Variants in ERCC6 observed in about 807,000 individuals in gnomAD.
ERCC6 encodes the protein DNA excision repair protein ERCC-6.
Under a neutral mutation model 158.7 loss-of-function variants are expected in ERCC6, and 116 were observed. That is an observed-to-expected ratio of 0.73 (90% CI 0.63 to 0.85). ERCC6 has a LOEUF of 0.85. Ranked by LOEUF, ERCC6 falls within the 40% of genes least tolerant of loss-of-function variation. ERCC6 has a pLI of 0.00. For synonymous variants in ERCC6, 678 were observed against 659.3 expected (o/e 1.03, Z -0.43); for missense variants, 1,698 against 1,799.4 (o/e 0.94, Z 1.02).
chr10:49,475,012 G>A (rs1304283678), intron 12 of ERCC6, among the ~76,000 whole-genome samples: 1 of 152,148 alleles, frequency 6.6e-6, no homozygotes, highest in African/African-American at 2.4e-5. Flanking sequence ...GTAAACAACA[G>A]TAAACAGATT....
At chr10:49,514,686 T>G (rs921490050) in intron 5 of ERCC6, among the ~76,000 whole-genome samples, 3 of 152,168 alleles carry the variant, frequency 2.0e-5, no homozygotes, top group African/African-American at 7.2e-5. Flanking sequence ...CCTATTGCAA[T>G]ATCCATTTAA....
At chr10:49,493,412 T>C (rs960756635) in intron 7 of ERCC6, among the ~76,000 whole-genome samples, 160 bp from the exon 8 acceptor site, 8 of 152,228 alleles carry the variant, frequency 5.3e-5, no homozygotes, top group African/African-American at 1.9e-4. Flanking sequence ...AAGTTACTGA[T>C]GTTAAAACCC....
chr10:49,489,406 A>T (rs1851133079), intron 8 of ERCC6, among the ~76,000 whole-genome samples: 2 of 152,210 alleles, frequency 1.3e-5, no homozygotes, highest in Admixed American at 6.5e-5. Context: ...AAGTCCTAAC[A>T]AGTTTACCAA....
intron 13 of ERCC6, 32 bp downstream of exon 13, chr10:49,473,995 G>A (rs1206351048): frequency 6.3e-7 from 1 of 1,591,784 alleles, no homozygotes; most frequent in East Asian, 2.2e-5. Context: ...TAAAGAACCA[G>A]CCTGTTTCCC....
rs897149242 is a variant in ERCC6 at position 49,505,652 on chromosome 10, T to C, written c.1526+232A>G. ...CTTTTAGTCTGCTGAGGCAGGTCCA[T>C]ATAGATTCATCAGTTTACAAACATA... is the stretch of plus-strand genomic sequence containing the variant. On this transcript the variant is annotated intron_variant, in intron 6 of 20. Transcript: ENST00000355832. 5 of 551,270 alleles carry C rather than the reference T, an allele frequency of 9.1e-6. No homozygotes were observed. In the Admixed American group the frequency reaches 9.9e-5, roughly 11 times the overall value. 34.1% of individuals were successfully genotyped at this position (551,270 alleles called of 1,614,324 possible).
chr10:49,516,644 G>A, intron 5 of ERCC6: 2 of 1,614,192 alleles, frequency 1.2e-6, no homozygotes, highest in African/African-American at 1.3e-5. Flanking sequence ...ACTTGACAAT[G>A]AGTTCAATGA....
chr10:49,490,442 C>T (rs1312397217), intron 8 of ERCC6, among the ~76,000 whole-genome samples: 1 of 151,678 alleles, frequency 6.6e-6, no homozygotes, highest in Non-Finnish European at 1.5e-5. Flanking sequence ...GCAACCTCCG[C>T]CTCTAGGGTT....
At chr10:49,511,690 G>A (rs1276914795) in intron 5 of ERCC6, among the ~76,000 whole-genome samples, 1 of 152,156 alleles carries the variant, frequency 6.6e-6, no homozygotes, top group African/African-American at 2.4e-5. Flanking sequence ...CTTCCAAAGT[G>A]CTAGGATTGC....
In ERCC6 at chr10:49,472,264, A is replaced by G. The variant is rs769535842; in HGVS notation, c.2924+112T>C. On this transcript the variant is annotated intron_variant, in intron 16 of 20. Transcript: ENST00000355832. ...AAAACAAAAACCAAAGCCTTAAGTT[A>G]TAGCAACTATTATTCTAAGATGTTA... is the stretch of plus-strand genomic sequence containing the variant. 22 of 954,976 alleles carry G rather than the reference A, an allele frequency of 2.3e-5. No individual in the cohort carries two copies. The Middle Eastern group carries it at 6.2e-4, about 27-fold the overall frequency. 59.2% of individuals were successfully genotyped at this position (954,976 alleles called of 1,614,324 possible).
chr10:49,506,572 G>A (rs1851447348), intron 5 of ERCC6: 1 of 152,912 alleles, frequency 6.5e-6, no homozygotes, highest in African/African-American at 2.4e-5. Context: ...TACAAGCACT[G>A]ATAGTGCTAC....
chr10:49,516,097 TAA>T, intron 5 of ERCC6: 1 of 1,614,152 alleles, frequency 6.2e-7, no homozygotes. Context: ...TGTGCCTCTG[TAA>T]GTGCCTCACT....
At chr10:49,492,940 A>G (rs895517759) in intron 8 of ERCC6, among the ~76,000 whole-genome samples, 177 bp downstream of exon 8, 14 of 152,350 alleles carry the variant, frequency 9.2e-5, no homozygotes, top group Non-Finnish European at 1.9e-4. Context: ...ACCTATATTC[A>G]TAACTGTTCT....
intron 2 of ERCC6, 31 bp downstream of exon 2, chr10:49,532,512 C>A (rs745864793): frequency 1.9e-6 from 3 of 1,611,376 alleles, no homozygotes; most frequent in Non-Finnish European, 2.5e-6. Context: ...TTTACCACCA[C>A]TTTGAAAGGA....
chr10:49,489,430 T>C (rs572336441), intron 8 of ERCC6, among the ~76,000 whole-genome samples: 87 of 152,362 alleles, frequency 5.7e-4, no homozygotes, highest in Non-Finnish European at 1.2e-3. Context: ...TTACCCATTT[T>C]ATAAGTGATC....
Position 49,458,647 on chromosome 10 carries a change from C to A in ERCC6, c.*168G>T. 2 of 680,846 alleles carry A rather than the reference C, an allele frequency of 2.9e-6. No homozygotes were observed. Among genetic ancestry groups the A allele is most frequent in the Non-Finnish European group, 4.9e-6 (2 of 408,798 alleles). The allele number at this position is 680,846 out of a possible 1,614,324, so 42.2% of individuals were successfully genotyped here. A position where few individuals can be genotyped will look rare whatever the true frequency, so the allele number is the denominator to read the frequency against. ...TAGCATTATTAAAACTTTTAACTTT[C>A]AGAGAAGAGTTTCTTCTTCCTTAAA... On this transcript the variant is annotated 3_prime_UTR_variant, in exon 21 of 21. Transcript: ENST00000355832.
rs1028377862 is a variant in ERCC6, at chr10:49,464,317, C to T, written c.3779-2761G>A. Among the ~76,000 whole-genome samples the T allele has an allele frequency of 3.3e-5, 5 of 152,150 alleles. No homozygotes were observed. In the South Asian group the frequency reaches 8.3e-4, roughly 25 times the overall value. On this transcript the variant is annotated intron_variant, in intron 18 of 20. Coordinates refer to ENST00000355832, the MANE Select transcript of ERCC6 (RefSeq NM_000124.4). ...GAGAGAGATGATTTAGGGTATCTGG[C>T]GGAAGAAATTTCTAAGCAGCAAAGC...
the ERCC6 span, among the ~76,000 whole-genome samples, chr10:49,445,852 G>A: frequency 6.6e-6 from 1 of 152,134 alleles, no homozygotes; most frequent in Non-Finnish European, 1.5e-5. Flanking sequence ...ATATGGGCTT[G>A]CTTTAGAAAA....
At chr10:49,437,227 T>C in the ERCC6 span, among the ~76,000 whole-genome samples, 2 of 152,326 alleles carry the variant, frequency 1.3e-5, no homozygotes, top group African/African-American at 2.4e-5. Flanking sequence ...TCCCCAGCCA[T>C]GTGGAACTGT....
chr10:49,482,869 T>C lies in ERCC6; in HGVS notation c.1993-6A>G. The C allele has an allele frequency of 6.2e-7, 1 of 1,614,148 alleles. No homozygotes were observed. Among genetic ancestry groups the C allele is most frequent in the South Asian group, 1.1e-5 (1 of 91,076 alleles). On this transcript the variant is annotated splice_region_variant and splice_polypyrimidine_tract_variant and intron_variant, in intron 9 of 20. Coordinates refer to ENST00000355832, the MANE Select transcript of ERCC6 (RefSeq NM_000124.4). Reference sequence around the variant, plus strand: ...ATCCGATGAGGGGTGCGAAACTATTTGAGGAAAGGAAGCACCTTTTTATTA... The same window carrying C: ...ATCCGATGAGGGGTGCGAAACTATTCGAGGAAAGGAAGCACCTTTTTATTA...
Sources: gnomAD v4.1 joint callset for allele counts (sites outside exome capture counted in the v4.1 genomes callset) on GRCh38, gnomAD v4.1.1 for gene constraint, MANE v1.5 for transcripts, NCBI Gene and HGNC (gene_info 2026-07-23, HGNC 2026-07-21) for gene names.